Variants in MMP26 observed in about 807,000 individuals in gnomAD.
MMP26 encodes matrix metalloproteinase-26.
A neutral mutation model predicts 31.0 loss-of-function variants in MMP26; 33 were observed. The ratio of observed to expected loss-of-function variants is 1.06; its 90% CI spans 0.81 to 1.42. MMP26 has a LOEUF of 1.42. Ranked by LOEUF, MMP26 falls within the 40% of genes most tolerant of loss-of-function variation. The pLI is 0.00. For synonymous variants in MMP26, 122 were observed against 114.9 expected, an observed-to-expected ratio of 1.06 and a Z score of -0.40; for missense variants, 347 against 316.1, an observed-to-expected ratio of 1.10 and a Z score of -0.74.
chr11:4,795,845 A>G (rs773541193), intron 2 of MMP26, among the ~76,000 whole-genome samples: 4 of 88,912 alleles, frequency 4.5e-5, no homozygotes, highest in Admixed American at 9.8e-5. Flanking sequence ...AGAGAGAGGG[A>G]GAGAGAGAGA....
chr11:4,887,344 A>G (rs1850558260), intron 2 of MMP26, among the ~76,000 whole-genome samples: 1 of 152,112 alleles, frequency 6.6e-6, no homozygotes, highest in Non-Finnish European at 1.5e-5. Context: ...AATACATTAA[A>G]CCTGTTGGAT....
At chr11:4,756,292 T>G (rs144785289) in intron 1 of MMP26, among the ~76,000 whole-genome samples, 1 of 151,956 alleles carries the variant, frequency 6.6e-6, no homozygotes, top group African/African-American at 2.4e-5. Context: ...AAAATTATAT[T>G]TGGGAAGGGC....
At chr11:4,888,777 T>C (rs889590120) in intron 2 of MMP26, among the ~76,000 whole-genome samples, 3 of 152,184 alleles carry the variant, frequency 2.0e-5, no homozygotes, top group African/African-American at 7.2e-5. Context: ...AGGGAGAGGA[T>C]TGCTAACCAA....
At chr11:4,827,072 C>T (rs530100641) in intron 2 of MMP26, among the ~76,000 whole-genome samples, 17 of 152,210 alleles carry the variant, frequency 1.1e-4, no homozygotes, top group South Asian at 1.0e-3. Context: ...ACATGGCACG[C>T]GCCTAGGTTG....
intron 2 of MMP26, among the ~76,000 whole-genome samples, chr11:4,850,908 T>C (rs1349651612): frequency 6.7e-6 from 1 of 149,010 alleles, no homozygotes; most frequent in Non-Finnish European, 1.5e-5. Context: ...AATATTATGT[T>C]AAATTTTTTA....
intron 3 of MMP26, 24 bp downstream of exon 3, chr11:4,988,334 A>C (rs1200184466): frequency 6.4e-7 from 1 of 1,574,026 alleles, no homozygotes; most frequent in Non-Finnish European, 8.7e-7. Context: ...TCAGGACCAC[A>C]TTATTACATG....
At chr11:4,872,993 TC>T (rs575076834) in intron 2 of MMP26, among the ~76,000 whole-genome samples, 2 of 152,112 alleles carry the variant, frequency 1.3e-5, no homozygotes, top group Non-Finnish European at 2.9e-5. Flanking sequence ...CATCTTGCTT[TC>T]CATGTGTTCT....
At chr11:4,816,513 T>TTAAAAA (rs375968187) in intron 2 of MMP26, among the ~76,000 whole-genome samples, 14,619 of 146,374 alleles carry the variant, frequency 0.1, 855 homozygotes, top group Middle Eastern at 0.17. Context: ...GTGAGATAAT[T>TTAAAAA]AAAAAAAAAA....
chr11:4,810,208 T>C (rs967825706), intron 2 of MMP26, among the ~76,000 whole-genome samples: 51 of 151,714 alleles, frequency 3.4e-4, no homozygotes, highest in African/African-American at 1.2e-3. Flanking sequence ...TGAGATTGTA[T>C]GAATGTGATT....
rs1452227552 is a variant in MMP26 at position 4,783,322 on chromosome 11, A to T, written c.-145+15981A>T. Among the ~76,000 whole-genome samples the T allele has an allele frequency of 3.9e-5, 6 of 152,260 alleles. No homozygotes were observed. The East Asian group carries it at 1.2e-3, about 29-fold the overall frequency. ...AGAGTCAAAGGAGATAATTTTGGAG[A>T]TTTAAGATTTGAATGCCCTGCTGGA... On this transcript the variant is annotated intron_variant, in intron 2 of 7. Coordinates refer to ENST00000380390, the MANE Select transcript of MMP26 (RefSeq NM_021801.5).
chr11:4,926,730 G>C (rs753991166), intron 2 of MMP26, among the ~76,000 whole-genome samples: 4 of 152,028 alleles, frequency 2.6e-5, no homozygotes, highest in Non-Finnish European at 5.9e-5. Context: ...ATTATATTTT[G>C]GATATGGGTA....
In MMP26 at chr11:4,801,782, C is replaced by T. The variant is rs186019133; in HGVS notation, c.-145+34441C>T. On this transcript the variant is annotated intron_variant, in intron 2 of 7. Coordinates refer to ENST00000380390, the MANE Select transcript of MMP26 (RefSeq NM_021801.5). The stretch of plus-strand genomic sequence containing the variant: ...GTCTTGATCTCTTGACCTCGTGATC[C>T]GCCTGCCTCGGCTCCCGAAGTGCTG... Among the ~76,000 whole-genome samples the T allele has an allele frequency of 3.2e-4, 49 of 152,072 alleles. No individual in the cohort carries two copies. In the East Asian group the frequency reaches 6.6e-3, roughly 20 times the overall value.
chr11:4,759,432 A>C (rs967343884), intron 1 of MMP26, among the ~76,000 whole-genome samples: 2 of 152,144 alleles, frequency 1.3e-5, no homozygotes, highest in African/African-American at 4.8e-5. Context: ...CACTGTTGCT[A>C]GTGTGCATGT....
chr11:4,728,988 T>A (rs1848138388), intron 1 of MMP26, among the ~76,000 whole-genome samples: 1 of 151,754 alleles, frequency 6.6e-6, no homozygotes. Flanking sequence ...TTTAAAAACT[T>A]GTGTGTAGTA....
intron 2 of MMP26, chr11:4,946,498 G>T (rs1302895410): frequency 6.2e-7 from 1 of 1,610,440 alleles, no homozygotes; most frequent in African/African-American, 1.3e-5. Flanking sequence ...CTCCAAAAAA[G>T]CCATAGATAA....
At chr11:4,989,598 T>C in intron 3 of MMP26, 50 bp from the exon 4 acceptor site, 2 of 1,473,050 alleles carry the variant, frequency 1.4e-6, no homozygotes, top group Non-Finnish European at 1.9e-6. Context: ...AACTGATATA[T>C]GGGTCTTCCC....
At chr11:4,764,388 T>TA (rs1848602696) in intron 1 of MMP26, among the ~76,000 whole-genome samples, 1 of 152,072 alleles carries the variant, frequency 6.6e-6, no homozygotes, top group African/African-American at 2.4e-5. Context: ...TGGCAAAAAA[T>TA]ATTTCCCTTT....
At chr11:4,870,380 A>C (rs1850295003) in intron 2 of MMP26, among the ~76,000 whole-genome samples, 2 of 152,142 alleles carry the variant, frequency 1.3e-5, no homozygotes, top group Admixed American at 1.3e-4. Context: ...TGTAGGTAGA[A>C]TATGTATTAA....
chr11:4,870,285 T>C (rs573164525), intron 2 of MMP26, among the ~76,000 whole-genome samples: 4 of 152,208 alleles, frequency 2.6e-5, no homozygotes, highest in African/African-American at 7.2e-5. Context: ...AGACTGCTTA[T>C]GTAAATAATG....
Sources: gnomAD v4.1 joint callset for allele counts (sites outside exome capture counted in the v4.1 genomes callset) on GRCh38, gnomAD v4.1.1 for gene constraint, MANE v1.5 for transcripts, NCBI Gene and HGNC (gene_info 2026-07-23, HGNC 2026-07-21) for gene names.